The following RALYL variants were observed in gnomAD, a reference collection of about 807,000 sequenced individuals.
RALYL encodes RNA-binding Raly-like protein.
Under a neutral mutation model 35.1 loss-of-function variants are expected in RALYL, and 29 were observed. The ratio of observed to expected loss-of-function variants is 0.83; its 90% confidence interval spans 0.61 to 1.13. The LOEUF (loss-of-function observed/expected upper bound fraction) is 1.13. Among genes scored for constraint, RALYL ranks in the 50% most tolerant of loss-of-function variants. The probability of loss-of-function intolerance (pLI) is 0.00; values close to 1 mark genes in which losing one functional copy is unlikely to be tolerated. For missense variants in RALYL, 359 were observed against 360.4 expected (o/e 1.00, Z 0.03); for synonymous variants, 120 against 127.6 (o/e 0.94, Z 0.40).
At chr8:84,639,237 A>G (rs2131349713) in intron 2 of RALYL, among the ~76,000 whole-genome samples, 1 of 151,910 alleles carries the variant, frequency 6.6e-6, no homozygotes, top group Admixed American at 6.6e-5. Flanking sequence ...ACTGCTAGAG[A>G]AAAAGAAAAA....
At chr8:84,489,755 C>T (rs2055052112) in intron 1 of RALYL, among the ~76,000 whole-genome samples, 1 of 151,912 alleles carries the variant, frequency 6.6e-6, no homozygotes, top group Admixed American at 6.6e-5. Context: ...TAGACAATGC[C>T]ATGCCATGAG....
intron 2 of RALYL, among the ~76,000 whole-genome samples, chr8:84,536,014 A>G (rs1251098882): frequency 1.3e-5 from 2 of 152,228 alleles, no homozygotes; most frequent in Non-Finnish European, 2.9e-5. Context: ...CATAATTTAT[A>G]ATAAGAATGT....
At chr8:84,527,340 T>A (rs888450266) in intron 1 of RALYL, among the ~76,000 whole-genome samples, 8 of 152,194 alleles carry the variant, frequency 5.3e-5, no homozygotes, top group African/African-American at 1.9e-4. Context: ...TACCCTCGAA[T>A]TAAATTTGAC....
intron 1 of RALYL, among the ~76,000 whole-genome samples, chr8:84,197,980 T>A (rs1196109873): frequency 6.6e-6 from 1 of 152,188 alleles, no homozygotes; most frequent in Non-Finnish European, 1.5e-5. Context: ...AAGCACTCAA[T>A]AAACCTTTTT....
At chr8:84,516,357 TATA>T (rs2058063036) in intron 1 of RALYL, among the ~76,000 whole-genome samples, 1 of 136,936 alleles carries the variant, frequency 7.3e-6, no homozygotes, top group African/African-American at 2.6e-5. Flanking sequence ...CTTTTTTTTG[TATA>T]ATATTTCCTT....
At chr8:84,908,611 A>G (rs1846940885) in intron 8 of RALYL, among the ~76,000 whole-genome samples, 1 of 152,116 alleles carries the variant, frequency 6.6e-6, no homozygotes, top group African/African-American at 2.4e-5. Context: ...ATTGTTAGAA[A>G]CTCAGGTAGA....
chr8:84,509,442 G>A (rs1002686407), intron 1 of RALYL, among the ~76,000 whole-genome samples: 4 of 152,114 alleles, frequency 2.6e-5, no homozygotes, highest in African/African-American at 4.8e-5. Context: ...AGACTTTTGC[G>A]AACATTTTAT....
At chr8:84,468,272 C>T (rs1425530921) in intron 1 of RALYL, among the ~76,000 whole-genome samples, 9 of 151,858 alleles carry the variant, frequency 5.9e-5, no homozygotes, top group Admixed American at 3.9e-4. Context: ...GATTTTGCAG[C>T]GGCTGGTACC....
At chr8:84,737,713 T>C (rs753497248) in intron 2 of RALYL, among the ~76,000 whole-genome samples, 2 of 151,416 alleles carry the variant, frequency 1.3e-5, no homozygotes, top group Non-Finnish European at 2.9e-5. Flanking sequence ...GGAGGAGGGG[T>C]ATTGGGGAGG....
intron 1 of RALYL, among the ~76,000 whole-genome samples, chr8:84,424,124 G>C (rs2046040040): frequency 6.6e-6 from 1 of 151,580 alleles, no homozygotes; most frequent in South Asian, 2.1e-4. Flanking sequence ...AAGTTCTCCT[G>C]GATAATATCA....
intron 1 of RALYL, among the ~76,000 whole-genome samples, chr8:84,388,254 T>A (rs867182522): frequency 4.6e-5 from 7 of 152,150 alleles, no homozygotes; most frequent in Middle Eastern, 3.2e-3. Context: ...GTTGGACATT[T>A]GGGTTGGTTC....
intron 1 of RALYL, among the ~76,000 whole-genome samples, chr8:84,258,188 C>G (rs1243301044): frequency 6.6e-6 from 1 of 151,982 alleles, no homozygotes; most frequent in Non-Finnish European, 1.5e-5. Flanking sequence ...TACTTGTGGT[C>G]CTCTTCCTTT....
In RALYL at chr8:84,446,921, TA is replaced by T. The variant is rs1242667162; in HGVS notation, c.-23-82373del. 2.6e-5 allele frequency among the ~76,000 whole-genome samples: 4 copies of T among 152,204 alleles called. No individual in the cohort carries two copies. The East Asian group carries it at 7.8e-4, about 30-fold the overall frequency. The stretch of plus-strand genomic sequence containing the variant: ...GGTAATATGAGAACCAAAACTGCAA[TA>T]AAAATTGTTAATATTTTTTATTTCT... On this transcript the variant is annotated intron_variant, in intron 1 of 8. Coordinates refer to ENST00000521268, the MANE Select transcript of RALYL (RefSeq NM_173848.7).
At chr8:84,304,043 C>T (rs1841319153) in intron 1 of RALYL, among the ~76,000 whole-genome samples, 2 of 152,004 alleles carry the variant, frequency 1.3e-5, no homozygotes, top group South Asian at 4.2e-4. Context: ...ATAATGGGAA[C>T]TTTCTCTTTT....
chr8:84,266,082 G>A (rs1833236786), intron 1 of RALYL, among the ~76,000 whole-genome samples: 1 of 152,220 alleles, frequency 6.6e-6, no homozygotes, highest in Admixed American at 6.5e-5. Flanking sequence ...AGCTTTCAAG[G>A]TACTCTGCAG....
At chr8:84,582,151 T>G (rs925951496) in intron 2 of RALYL, among the ~76,000 whole-genome samples, 31 of 152,130 alleles carry the variant, frequency 2.0e-4, no homozygotes, top group African/African-American at 7.5e-4. Context: ...AAAGTTATAT[T>G]GTCATTCTCC....
intron 1 of RALYL, among the ~76,000 whole-genome samples, chr8:84,466,583 AG>A (rs2051689994): frequency 6.6e-6 from 1 of 150,718 alleles, no homozygotes; most frequent in African/African-American, 2.4e-5. Context: ...ATGTTCATCA[AG>A]GATATTGGTC....
intron 1 of RALYL, among the ~76,000 whole-genome samples, chr8:84,461,290 G>C (rs1329075295): frequency 6.6e-6 from 1 of 151,482 alleles, no homozygotes. Context: ...AGATGTGCCT[G>C]CTAAGAACTT....
At chr8:84,537,845 A>C (rs1448216554) in intron 2 of RALYL, among the ~76,000 whole-genome samples, 2 of 152,208 alleles carry the variant, frequency 1.3e-5, no homozygotes, top group Admixed American at 1.3e-4. Flanking sequence ...TGAAAACAAA[A>C]ATCTCAGAAA....
Sources: gnomAD v4.1 joint callset for allele counts (sites outside exome capture counted in the v4.1 genomes callset) on GRCh38, gnomAD v4.1.1 for gene constraint, MANE v1.5 for transcripts, NCBI Gene and HGNC (gene_info 2026-07-23, HGNC 2026-07-21) for gene names.